Variants in PPM1E observed in about 807,000 individuals in gnomAD.
The protein encoded by PPM1E is protein phosphatase, Mg2+/Mn2+ dependent 1E, also known as protein phosphatase 1E.
Under a neutral mutation model 65.9 loss-of-function variants are expected in PPM1E, and 20 were observed. That is an observed-to-expected ratio of 0.30 (90% CI 0.21 to 0.44). The LOEUF (loss-of-function observed/expected upper bound fraction) is 0.44, where lower values mean the gene tolerates loss of function less well. Ranked by LOEUF, PPM1E falls within the 20% of genes least tolerant of loss-of-function variation. PPM1E has a pLI of 1.00. For synonymous variants in PPM1E, 352 were observed against 374.9 expected, an observed-to-expected ratio of 0.94 and a Z score of 0.70; for missense variants, 713 against 953.1, an observed-to-expected ratio of 0.75 and a Z score of 3.32.
intron 4 of PPM1E, among the ~76,000 whole-genome samples, chr17:58,970,083 G>A (rs1363035530): frequency 6.6e-6 from 1 of 152,200 alleles, no homozygotes; most frequent in Admixed American, 6.5e-5. Flanking sequence ...TCTGGATATG[G>A]TGAATAAAAC....
At chr17:58,837,025 A>G (rs2050665894) in intron 1 of PPM1E, among the ~76,000 whole-genome samples, 1 of 148,800 alleles carries the variant, frequency 6.7e-6, no homozygotes, top group Non-Finnish European at 1.5e-5. Flanking sequence ...GTCTCAAAAA[A>G]AAAAAAAAAA....
chr17:58,902,895 A>G (rs2051514144), intron 1 of PPM1E, among the ~76,000 whole-genome samples: 1 of 152,192 alleles, frequency 6.6e-6, no homozygotes, highest in Admixed American at 6.5e-5. Context: ...TATGGGCAAG[A>G]TATATAAAAT....
At chr17:58,955,015 A>G (rs759644383) in intron 1 of PPM1E, among the ~76,000 whole-genome samples, 9 of 151,964 alleles carry the variant, frequency 5.9e-5, no homozygotes, top group Non-Finnish European at 8.8e-5. Flanking sequence ...ATTCTATCTA[A>G]GTTCATACCC....
Position 58,980,504 on chromosome 17 carries a change from C to T in PPM1E, c.1741C>T (p.His581Tyr). Residue 581 changes from histidine (H) to tyrosine (Y), a missense_variant, in exon 7 of 7, where the codon CAC becomes TAC. Coordinates refer to ENST00000308249, the MANE Select transcript of PPM1E (RefSeq NM_014906.5). The surrounding 1 kb of genome is among the most constrained non-coding windows in gnomAD (Gnocchi z 4.7). ...DLTQIEASKP[H>Y]SAQFLLPVEM... ...CACACAAATAGAAGCAAGCAAACCT[C>T]ACAGTGCCCAGTTTTTGCTACCAGT... is the stretch of plus-strand genomic sequence containing the variant. The T allele has an allele frequency of 6.2e-7, 1 of 1,614,186 alleles. No homozygotes were observed.
intron 1 of PPM1E, among the ~76,000 whole-genome samples, chr17:58,929,479 G>A (rs981102687): frequency 3.9e-5 from 6 of 152,128 alleles, no homozygotes; most frequent in African/African-American, 1.4e-4. Context: ...TTGAATTCTA[G>A]TTAACAATAT....
chr17:58,886,985 A>T (rs1184342657), intron 1 of PPM1E, among the ~76,000 whole-genome samples: 1 of 152,126 alleles, frequency 6.6e-6, no homozygotes, highest in Admixed American at 6.6e-5. Context: ...TTAAAAATAT[A>T]TTTTAAAATG....
At chr17:58,888,654 G>A (rs1026606119) in intron 1 of PPM1E, among the ~76,000 whole-genome samples, 1 of 151,826 alleles carries the variant, frequency 6.6e-6, no homozygotes, top group Non-Finnish European at 1.5e-5. Context: ...CACCACACCC[G>A]GCCAGGACTC....
At position 58,805,133 on chromosome 17, in the gene PPM1E, A is replaced by G. The variant is rs940799116; in HGVS notation, c.464+48672A>G. 2.6e-5 allele frequency among the ~76,000 whole-genome samples: 4 copies of G among 151,922 alleles called. 1 individual carries two copies. The highest frequency in any genetic ancestry group is 2.6e-4 in the Admixed American group (4 of 15,258). ...TTTTTATATAGTTTTTTTTATTTCA[A>G]TAGGTTTTGGGGAACAGGTGGTGTT... On this transcript the variant is annotated intron_variant, in intron 1 of 6. Transcript: ENST00000308249.
chr17:58,924,223 A>G (rs554929876), intron 1 of PPM1E, among the ~76,000 whole-genome samples: 4 of 145,572 alleles, frequency 2.7e-5, no homozygotes, highest in Admixed American at 2.1e-4. Flanking sequence ...CCTGGCCGAG[A>G]CCCCATCTTT....
chr17:58,810,262 C>G (rs543479762), intron 1 of PPM1E, among the ~76,000 whole-genome samples: 1 of 151,964 alleles, frequency 6.6e-6, no homozygotes, highest in South Asian at 2.1e-4. Flanking sequence ...GGCTGGAGTG[C>G]AGTGGTGCGA....
At chr17:58,855,063 T>C (rs1319535571) in intron 1 of PPM1E, among the ~76,000 whole-genome samples, 1 of 152,148 alleles carries the variant, frequency 6.6e-6, no homozygotes, top group East Asian at 1.9e-4. Context: ...AACCCAGTCA[T>C]ATGGGTGCCC....
At chr17:58,900,028 C>CAA (rs796479802) in intron 1 of PPM1E, among the ~76,000 whole-genome samples, 6 of 97,020 alleles carry the variant, frequency 6.2e-5, no homozygotes, top group East Asian at 5.9e-4. Context: ...GATACAGTCT[C>CAA]AAAAAAAAAA....
At chr17:58,870,361 CAG>C (rs1343575650) in intron 1 of PPM1E, among the ~76,000 whole-genome samples, 2 of 152,260 alleles carry the variant, frequency 1.3e-5, no homozygotes, top group East Asian at 3.9e-4. Flanking sequence ...ATTTTGGATT[CAG>C]GGGGTACCTG....
chr17:58,793,447 C>G (rs537198226), intron 1 of PPM1E, among the ~76,000 whole-genome samples: 1 of 152,042 alleles, frequency 6.6e-6, no homozygotes, highest in African/African-American at 2.4e-5. Context: ...GCTCCGCCTC[C>G]CGAGTTCATG....
Position 58,781,776 on chromosome 17 carries a change from C to T in PPM1E, c.464+25315C>T, listed in dbSNP as rs568078120. On this transcript the variant is annotated intron_variant, in intron 1 of 6. Coordinates refer to ENST00000308249, the MANE Select transcript of PPM1E (RefSeq NM_014906.5). Reference sequence around the variant, plus strand: ...TGGTGCATACCTGTAATCCCAGGTACTCGGGAGGCTGAGGCAGGAGAATCA... The same window carrying T: ...TGGTGCATACCTGTAATCCCAGGTATTCGGGAGGCTGAGGCAGGAGAATCA... Among the ~76,000 whole-genome samples, 10 of 151,772 alleles carry T rather than the reference C, an allele frequency of 6.6e-5. No individual in the cohort carries two copies. The East Asian group carries it at 2.0e-3, about 30-fold the overall frequency.
chr17:58,889,975 T>G (rs2143426084), intron 1 of PPM1E, among the ~76,000 whole-genome samples: 1 of 152,356 alleles, frequency 6.6e-6, no homozygotes, highest in Middle Eastern at 3.4e-3. Flanking sequence ...TAAATTGTAG[T>G]CGAAGAAGCA....
intron 3 of PPM1E, chr17:58,966,681 ATC>A (rs1436787052): frequency 1.3e-5 from 2 of 154,002 alleles, no homozygotes; most frequent in Non-Finnish European, 2.9e-5. Flanking sequence ...TTTTCTTGTT[ATC>A]TTTCTTTTCT....
chr17:58,755,903 C>A lies in PPM1E; in HGVS notation c.-95C>A. On this transcript the variant is annotated 5_prime_UTR_variant, in exon 1 of 7. Transcript: ENST00000308249. ...CGCTCGTGCCGGTGCGGCCGTTAACCGCCCTTGCCGGAGCCCTAGGCTCAA... is the reference window on the plus strand; with the variant it reads ...CGCTCGTGCCGGTGCGGCCGTTAACAGCCCTTGCCGGAGCCCTAGGCTCAA... The A allele has an allele frequency of 2.4e-5, 37 of 1,549,332 alleles. No homozygotes were observed. The highest frequency in any genetic ancestry group is 3.1e-5 in the Non-Finnish European group (36 of 1,149,592).
intron 1 of PPM1E, among the ~76,000 whole-genome samples, chr17:58,908,420 C>A (rs2051584240): frequency 6.6e-6 from 1 of 150,978 alleles, no homozygotes; most frequent in Non-Finnish European, 1.5e-5. Flanking sequence ...TCTTTTTTAG[C>A]ATATAAATTA....
Sources: allele counts gnomAD v4.1 joint callset (sites outside exome capture counted in the v4.1 genomes callset), GRCh38; gene constraint gnomAD v4.1.1; non-coding constraint Gnocchi (gnomAD v3.1); transcripts MANE v1.5; gene names NCBI Gene and HGNC (gene_info 2026-07-23, HGNC 2026-07-21).